Variants in POLA1 observed in about 807,000 individuals in gnomAD.
The protein encoded by POLA1 is DNA polymerase alpha catalytic subunit.
POLA1 carries 15 observed loss-of-function variants against 124.0 expected under a neutral mutation model. That is an observed-to-expected ratio of 0.12 (90% CI 0.08 to 0.19). The LOEUF is 0.19. Ranked by LOEUF, POLA1 falls within the 10% of genes least tolerant of loss-of-function variation. The pLI is 1.00. For missense variants in POLA1, 886 were observed against 1,103.4 expected (o/e 0.80, Z 2.79); for synonymous variants, 408 against 389.4 (o/e 1.05, Z -0.56).
At chrX:24,954,782 T>C (rs933298467) in intron 36 of POLA1, among the ~76,000 whole-genome samples, 7 of 112,030 alleles carry the variant, frequency 6.2e-5, no homozygotes, top group African/African-American at 2.0e-4. Flanking sequence ...CTGTCATCCT[T>C]AAATCGAGAA....
At chrX:24,911,927 T>C (rs767032770) in intron 35 of POLA1, among the ~76,000 whole-genome samples, 1 of 112,402 alleles carries the variant, frequency 8.9e-6, no homozygotes, top group Non-Finnish European at 1.9e-5. Flanking sequence ...ATTGTATTTA[T>C]AGTTAAGAAG....
intron 20 of POLA1, among the ~76,000 whole-genome samples, chrX:24,740,570 G>A (rs1357770922): frequency 8.9e-6 from 1 of 111,782 alleles, no homozygotes. Flanking sequence ...AAAAACTAAA[G>A]TCCTTATTTT....
At chrX:24,976,063 C>G (rs762318175) in intron 36 of POLA1, among the ~76,000 whole-genome samples, 4 of 112,447 alleles carry the variant, frequency 3.6e-5, no homozygotes, top group Admixed American at 9.4e-5. Flanking sequence ...TTAATACCGA[C>G]AAGTATATTT....
intron 26 of POLA1, among the ~76,000 whole-genome samples, chrX:24,759,276 A>T (rs2148421225): frequency 8.9e-6 from 1 of 112,449 alleles, no homozygotes; most frequent in South Asian, 3.7e-4. Context: ...GTCTGCATAA[A>T]CTAGTATCAA....
intron 36 of POLA1, among the ~76,000 whole-genome samples, chrX:24,967,405 C>G (rs2048235148): frequency 9.0e-6 from 1 of 110,826 alleles, no homozygotes; most frequent in African/African-American, 3.3e-5. Flanking sequence ...CGCAGTGGCT[C>G]ACGCTTGTAA....
intron 36 of POLA1, among the ~76,000 whole-genome samples, chrX:24,937,581 T>C (rs1197323665): frequency 9.0e-6 from 1 of 111,608 alleles, no homozygotes; most frequent in Non-Finnish European, 1.9e-5. Context: ...AAACCAGCTT[T>C]TTTTCTCCGT....
chrX:24,783,818 A>C (rs1171085064), intron 26 of POLA1, among the ~76,000 whole-genome samples: 2 of 111,502 alleles, frequency 1.8e-5, no homozygotes, highest in Non-Finnish European at 3.8e-5. Flanking sequence ...GTGGCTATTT[A>C]AATAAATTAT....
intron 26 of POLA1, among the ~76,000 whole-genome samples, chrX:24,759,044 C>G (rs1429741391): frequency 9.0e-6 from 1 of 111,632 alleles, no homozygotes; most frequent in Non-Finnish European, 1.9e-5. Flanking sequence ...CCGCACCCCT[C>G]TCCTACACAT....
Position 24,863,190 on chromosome X carries a change from G to T in POLA1, c.4047+19513G>T, listed in dbSNP as rs367978984. 9.0e-5 allele frequency among the ~76,000 whole-genome samples: 10 copies of T among 110,498 alleles called. No homozygotes were observed. The South Asian group carries it at 2.0e-3, about 22-fold the overall frequency. On this transcript the variant is annotated intron_variant, in intron 34 of 36. Transcript: ENST00000379068. ...TAATATGATGGTGAAAGAATTAAGGGGGGTAGCATACTCACAGAACAGAAT... is the reference window on the plus strand; with the variant it reads ...TAATATGATGGTGAAAGAATTAAGGTGGGTAGCATACTCACAGAACAGAAT...
chrX:24,763,839 T>C (rs1183114989), intron 26 of POLA1, among the ~76,000 whole-genome samples: 1 of 111,911 alleles, frequency 8.9e-6, no homozygotes, highest in Non-Finnish European at 1.9e-5. Context: ...GTGGTCAGAC[T>C]GATTTGCTAT....
chrX:24,931,475 C>A, intron 36 of POLA1, among the ~76,000 whole-genome samples: 1 of 111,881 alleles, frequency 8.9e-6, no homozygotes, highest in East Asian at 2.8e-4. Flanking sequence ...TTTCCATCCA[C>A]AAGATAGGCT....
At chrX:24,743,779 T>C (rs1237797370) in intron 23 of POLA1, among the ~76,000 whole-genome samples, 1 of 112,431 alleles carries the variant, frequency 8.9e-6, no homozygotes, top group Non-Finnish European at 1.9e-5. Context: ...TTGAAGGACG[T>C]GCAGACAATA....
At chrX:24,964,935 G>A (rs2048206291) in intron 36 of POLA1, among the ~76,000 whole-genome samples, 1 of 112,121 alleles carries the variant, frequency 8.9e-6, no homozygotes, top group Non-Finnish European at 1.9e-5. Flanking sequence ...CCTTTCTGCT[G>A]CTAAATCCTG....
intron 26 of POLA1, among the ~76,000 whole-genome samples, chrX:24,794,961 G>A (rs1004955362): frequency 3.6e-5 from 4 of 110,534 alleles, no homozygotes; most frequent in South Asian, 3.9e-4. Flanking sequence ...GTAAGAATTA[G>A]TTGAGAATTA....
intron 26 of POLA1, among the ~76,000 whole-genome samples, chrX:24,761,334 T>C (rs11573383): frequency 3.7e-3 from 414 of 111,418 alleles, no homozygotes; most frequent in African/African-American, 0.013. Flanking sequence ...GGAACAAAGA[T>C]ATTAGGTTTC....
chrX:24,922,562 C>A (rs2047633961), intron 35 of POLA1, among the ~76,000 whole-genome samples: 1 of 111,282 alleles, frequency 9.0e-6, no homozygotes, highest in Non-Finnish European at 1.9e-5. Context: ...TGTGAGTGAA[C>A]CTTTTAAATT....
At chrX:24,827,204 A>T (rs745484555) in intron 32 of POLA1, among the ~76,000 whole-genome samples, 6 of 111,895 alleles carry the variant, frequency 5.4e-5, no homozygotes, top group Non-Finnish European at 9.4e-5. Flanking sequence ...GCTTTTTGCT[A>T]TGTCACCAGA....
At chrX:24,819,365 GA>G (rs2046047925) in intron 30 of POLA1, among the ~76,000 whole-genome samples, 1 of 110,588 alleles carries the variant, frequency 9.0e-6, no homozygotes. Context: ...TATACTGTCA[GA>G]TTTTTTTTTT....
intron 2 of POLA1, among the ~76,000 whole-genome samples, chrX:24,701,815 G>A (rs1420795319): frequency 2.0e-5 from 2 of 101,218 alleles, no homozygotes; most frequent in African/African-American, 7.4e-5. Flanking sequence ...GTGCAGTGGT[G>A]TGTTCTTGGC....
Sources: allele counts gnomAD v4.1 joint callset (sites outside exome capture counted in the v4.1 genomes callset), GRCh38; gene constraint gnomAD v4.1.1; transcripts MANE v1.5; gene names NCBI Gene and HGNC (gene_info 2026-07-23, HGNC 2026-07-21).